Variants in HOOK1 observed in about 807,000 individuals in gnomAD.
HOOK1 encodes the protein protein Hook homolog 1.
A neutral mutation model predicts 112.8 loss-of-function variants in HOOK1; 60 were observed. The observed-to-expected ratio is 0.53, with a 90% CI of 0.43 to 0.66. The LOEUF (loss-of-function observed/expected upper bound fraction) is 0.66. Among genes scored for constraint, HOOK1 ranks in the 30% least tolerant of loss-of-function variants. HOOK1 has a pLI of 0.00. For synonymous variants in HOOK1, 294 were observed against 283.8 expected, an observed-to-expected ratio of 1.04 and a Z score of -0.36; for missense variants, 770 against 856.0, an observed-to-expected ratio of 0.90 and a Z score of 1.25.
At chr1:59,852,045 A>T (rs2098407428) in intron 12 of HOOK1, among the ~76,000 whole-genome samples, 1 of 151,702 alleles carries the variant, frequency 6.6e-6, no homozygotes, top group Admixed American at 6.6e-5. Context: ...TACTTTAAAA[A>T]GTATATTGCC....
At chr1:59,863,516 A>C (rs1170588744) in intron 16 of HOOK1, among the ~76,000 whole-genome samples, 1 of 152,146 alleles carries the variant, frequency 6.6e-6, no homozygotes, top group Non-Finnish European at 1.5e-5. Context: ...AAACTTAGCC[A>C]AAATCTGACT....
At position 59,855,967 on chromosome 1, in the gene HOOK1, TATATATATATATATA is replaced by T. The variant is rs1223151063; in HGVS notation, c.1243-2460_1243-2446del. On this transcript the variant is annotated intron_variant, in intron 12 of 21. Coordinates refer to ENST00000371208, the MANE Select transcript of HOOK1 (RefSeq NM_015888.6). ...TTATATATATATATATATAAATTAT[TATATATATATATATA>T]TATTTTTTTTTTTTTTTTTTTTTTT... Among the ~76,000 whole-genome samples the T allele has an allele frequency of 7.0e-3, 433 of 61,910 alleles. 4 individuals are homozygous for T. The highest frequency in any genetic ancestry group is 0.011 in the Non-Finnish European group (353 of 33,248). 40.6% of individuals were successfully genotyped at this position (61,910 alleles called of 152,430 possible). A position where few individuals can be genotyped will look rare whatever the true frequency, so the allele number is the denominator to read the frequency against.
At chr1:59,817,034 T>C (rs1437697921) in intron 1 of HOOK1, among the ~76,000 whole-genome samples, 1 of 152,228 alleles carries the variant, frequency 6.6e-6, no homozygotes, top group Non-Finnish European at 1.5e-5. Context: ...TATCCTTGGC[T>C]CTGGCTTTAG....
chr1:59,828,866 A>G lies in HOOK1; in HGVS notation c.222+14A>G. On this transcript the variant is annotated intron_variant, in intron 3 of 21. Transcript: ENST00000371208. ...TGGAGAATAAAGGTATGCAGAACAAATGGGAGAAGCACTTGATCCAAACAG... is the reference window on the plus strand; with the variant it reads ...TGGAGAATAAAGGTATGCAGAACAAGTGGGAGAAGCACTTGATCCAAACAG... The G allele has an allele frequency of 1.3e-6, 2 of 1,598,368 alleles. No individual in the cohort carries two copies. The highest frequency in any genetic ancestry group is 8.6e-7 in the Non-Finnish European group (1 of 1,167,792).
At chr1:59,863,366 A>T (rs578072198) in intron 16 of HOOK1, among the ~76,000 whole-genome samples, 1 of 152,298 alleles carries the variant, frequency 6.6e-6, no homozygotes, top group Admixed American at 6.5e-5. Context: ...CCCGTCTCTG[A>T]AGGACAGAAA....
chr1:59,840,350 A>C lies in HOOK1; in HGVS notation c.580A>C (p.Lys194Gln). 6.2e-7 allele frequency: 1 copy of C among 1,600,530 alleles called. No homozygotes were observed. The highest frequency in any genetic ancestry group is 1.3e-5 in the African/African-American group (1 of 74,306). The stretch of plus-strand genomic sequence containing the variant: ...AGAACTTCAGGAAGCACTAGCAGAA[A>C]AAGAAGAGCTGAGGCAAAGATGTGA... ...LEELQEALAE[K>Q]EELRQRCEEL... The change falls in exon 8 of 22, where the codon AAA (lysine) becomes CAA (glutamine). Residue 194 changes from lysine (K) to glutamine (Q), a missense_variant. Lys to Gln is a moderately conservative substitution (Grantham distance 53). Coordinates refer to ENST00000371208, the MANE Select transcript of HOOK1 (RefSeq NM_015888.6).
At chr1:59,853,006 G>A (rs2098408057) in intron 12 of HOOK1, among the ~76,000 whole-genome samples, 2 of 151,846 alleles carry the variant, frequency 1.3e-5, no homozygotes. Context: ...TGTGCATTCA[G>A]TCCTTTTAAA....
chr1:59,834,972 T>C (rs2098396521), intron 5 of HOOK1, among the ~76,000 whole-genome samples: 2 of 152,110 alleles, frequency 1.3e-5, no homozygotes, highest in Non-Finnish European at 2.9e-5. Context: ...AATTTTAATA[T>C]TATATGTAAT....
intron 18 of HOOK1, among the ~76,000 whole-genome samples, chr1:59,865,616 A>G (rs1643947355): frequency 6.6e-6 from 1 of 152,068 alleles, no homozygotes; most frequent in Non-Finnish European, 1.5e-5. Flanking sequence ...TACTTGATAG[A>G]AAGGAGAAAA....
intron 12 of HOOK1, among the ~76,000 whole-genome samples, chr1:59,856,013 A>G (rs762225832): frequency 7.0e-4 from 20 of 28,606 alleles, no homozygotes; most frequent in Non-Finnish European, 1.2e-3. Context: ...TTTTTTTTGT[A>G]GAGACAGGGT....
chr1:59,846,569 TC>T (rs2098404004), intron 9 of HOOK1, among the ~76,000 whole-genome samples: 1 of 71,096 alleles, frequency 1.4e-5, no homozygotes, highest in African/African-American at 6.4e-5. Context: ...CTTCCTTCCT[TC>T]CTTCCTTCCT....
At chr1:59,869,647 C>T (rs1257506201) in intron 20 of HOOK1, among the ~76,000 whole-genome samples, 1 of 152,154 alleles carries the variant, frequency 6.6e-6, no homozygotes, top group Non-Finnish European at 1.5e-5. Context: ...CCCCTCCTCC[C>T]TACATCCATA....
chr1:59,835,998 G>T (rs557401211), intron 6 of HOOK1, among the ~76,000 whole-genome samples: 66 of 152,144 alleles, frequency 4.3e-4, no homozygotes, highest in African/African-American at 1.6e-3. Flanking sequence ...AGCAGGAAAC[G>T]CAGGATAAAC....
intron 1 of HOOK1, among the ~76,000 whole-genome samples, chr1:59,815,798 T>G (rs1354415823): frequency 2.6e-5 from 4 of 151,542 alleles, no homozygotes; most frequent in Non-Finnish European, 4.4e-5. Flanking sequence ...TCGTTTTCCC[T>G]TTTTCTCGCT....
At chr1:59,842,391 A>G (rs898891659) in intron 8 of HOOK1, among the ~76,000 whole-genome samples, 4 of 152,136 alleles carry the variant, frequency 2.6e-5, no homozygotes, top group Non-Finnish European at 5.9e-5. Flanking sequence ...TAGTCACTAA[A>G]CAGCTTACAT....
At chr1:59,830,257 A>G (rs755707425) in intron 3 of HOOK1, among the ~76,000 whole-genome samples, 10 of 151,960 alleles carry the variant, frequency 6.6e-5, no homozygotes, top group Non-Finnish European at 1.0e-4. Flanking sequence ...TTATTATACT[A>G]TGTGTATAGT....
At chr1:59,839,908 GA>G (rs2098400099) in intron 7 of HOOK1, among the ~76,000 whole-genome samples, 1 of 152,140 alleles carries the variant, frequency 6.6e-6, no homozygotes, top group Admixed American at 6.6e-5. Flanking sequence ...AAAGGCTGTT[GA>G]ATTTTGTTGA....
rs1415080225 is a variant in HOOK1 at position 59,873,719 on chromosome 1, A to T, written c.*754A>T. On this transcript the variant is annotated 3_prime_UTR_variant, in exon 22 of 22. Coordinates refer to ENST00000371208, the MANE Select transcript of HOOK1 (RefSeq NM_015888.6). ...TGTAATAGGTGACTTTCTGATGGAA[A>T]GCAAGCTATATATATATATATATAT... The T allele has an allele frequency of 7.9e-6, 1 of 126,918 alleles. No homozygotes were observed. Among genetic ancestry groups the T allele is most frequent in the Admixed American group, 8.1e-5 (1 of 12,294 alleles). 7.9% of individuals were successfully genotyped at this position (126,918 alleles called of 1,614,324 possible). A position where few individuals can be genotyped will look rare whatever the true frequency, so the allele number is the denominator to read the frequency against.
At chr1:59,858,963 T>C (rs915318019) in intron 13 of HOOK1, 22 bp from the exon 14 acceptor site, 2 of 1,436,606 alleles carry the variant, frequency 1.4e-6, no homozygotes, top group African/African-American at 2.8e-5. Flanking sequence ...GAAATGCTAA[T>C]TTATTTTTTG....
Sources: gnomAD v4.1 joint callset for allele counts (sites outside exome capture counted in the v4.1 genomes callset) on GRCh38, gnomAD v4.1.1 for gene constraint, MANE v1.5 for transcripts, NCBI Gene and HGNC (gene_info 2026-07-23, HGNC 2026-07-21) for gene names.